SOS1: variants seen among roughly 807,000 people sequenced by gnomAD.
SOS1 encodes SOS Ras/Rac guanine nucleotide exchange factor 1.
Under a neutral mutation model 157.6 loss-of-function variants are expected in SOS1, and 25 were observed. That is an observed-to-expected ratio of 0.16 (90% CI 0.12 to 0.22). SOS1 has a LOEUF of 0.22. SOS1 is among the 10% of genes least tolerant of loss of function. The pLI, the probability that SOS1 is intolerant of heterozygous loss-of-function variation, is 1.00. For synonymous variants in SOS1, 528 were observed against 534.0 expected, an observed-to-expected ratio of 0.99 and a Z score of 0.16; for missense variants, 1,237 against 1,599.1, an observed-to-expected ratio of 0.77 and a Z score of 3.86.
At chr2:39,026,140 A>G (rs1027794131) in intron 8 of SOS1, among the ~76,000 whole-genome samples, 17 of 151,970 alleles carry the variant, frequency 1.1e-4, no homozygotes, top group Non-Finnish European at 1.5e-4. Context: ...GGGGATCACG[A>G]GGTCAGGAGT....
chr2:39,044,858 G>GCC (rs1161663359), intron 6 of SOS1, among the ~76,000 whole-genome samples: 3 of 29,842 alleles, frequency 1.0e-4, no homozygotes, highest in South Asian at 6.5e-4. Flanking sequence ...ACATGCGCGC[G>GCC]CGCGCGCACA....
chr2:39,015,247 C>T (rs1269632861), intron 10 of SOS1, among the ~76,000 whole-genome samples: 3 of 151,580 alleles, frequency 2.0e-5, no homozygotes, highest in Non-Finnish European at 2.9e-5. Context: ...TTCCTTACAT[C>T]AAGATGAGTT....
At chr2:39,056,533 A>G (rs763374258) in intron 4 of SOS1, among the ~76,000 whole-genome samples, 169 bp downstream of exon 4, 26 of 152,248 alleles carry the variant, frequency 1.7e-4, no homozygotes, top group Non-Finnish European at 3.1e-4. Context: ...TTAATATTAT[A>G]TATCTAATGT....
rs1272735436 is a variant in SOS1 at position 38,983,437 on chromosome 2, A to G, written c.*2387T>C. ...TAAAAATATCCTCCATCCACAATGCATGTAAAACTGTTGCACAGTGAAGTG... is the reference window on the plus strand; with the variant it reads ...TAAAAATATCCTCCATCCACAATGCGTGTAAAACTGTTGCACAGTGAAGTG... On this transcript the variant is annotated 3_prime_UTR_variant, in exon 23 of 23. Transcript: ENST00000402219. 6.6e-6 allele frequency: 1 copy of G among 152,210 alleles called. No individual in the cohort carries two copies. The highest frequency in any genetic ancestry group is 1.5e-5 in the Non-Finnish European group (1 of 68,024). 9.4% of individuals were successfully genotyped at this position (152,210 alleles called of 1,614,324 possible).
At chr2:39,110,954 G>A (rs962216162) in intron 1 of SOS1, among the ~76,000 whole-genome samples, 1 of 151,908 alleles carries the variant, frequency 6.6e-6, no homozygotes, top group African/African-American at 2.4e-5. Flanking sequence ...TACAAAAATG[G>A]GCCAGGCATG....
chr2:39,027,080 C>A (rs1669987802), intron 8 of SOS1, among the ~76,000 whole-genome samples: 1 of 152,122 alleles, frequency 6.6e-6, no homozygotes. Context: ...ATTTTTCGGT[C>A]TTAAATAACT....
intron 1 of SOS1, among the ~76,000 whole-genome samples, chr2:39,108,023 G>T (rs1673268780): frequency 6.6e-6 from 1 of 152,112 alleles, no homozygotes. Context: ...TACTGATGGT[G>T]CCTTAGTCTC....
chr2:39,115,788 T>G (rs1484039654), intron 1 of SOS1, among the ~76,000 whole-genome samples: 1 of 152,202 alleles, frequency 6.6e-6, no homozygotes, highest in Non-Finnish European at 1.5e-5. Flanking sequence ...GTATCACAAT[T>G]TGCTTATTCA....
chr2:39,124,594 C>T (rs920427133), upstream of SOS1, among the ~76,000 whole-genome samples: 46 of 152,388 alleles, frequency 3.0e-4, no homozygotes, highest in African/African-American at 1.1e-3. Context: ...CAGGACGCGG[C>T]CACCTGGTTC....
Position 39,031,744 on chromosome 2 carries a change from T to C in SOS1, c.1074+3468A>G, listed in dbSNP as rs186133816. On this transcript the variant is annotated intron_variant, in intron 8 of 22. Coordinates refer to ENST00000402219, the MANE Select transcript of SOS1 (RefSeq NM_005633.4). Reference sequence around the variant, plus strand: ...GTCTCAAAATAAAATAAAAATAAAATAAAATACTGGTCAATATATTTACTT... The same window carrying C: ...GTCTCAAAATAAAATAAAAATAAAACAAAATACTGGTCAATATATTTACTT... 3.3e-5 allele frequency among the ~76,000 whole-genome samples: 5 copies of C among 152,032 alleles called. No individual in the cohort carries two copies. The East Asian group carries it at 9.6e-4, about 29-fold the overall frequency.
In SOS1 at chr2:39,086,681, C is replaced by T. The variant is rs530879841; in HGVS notation, c.88-18928G>A. ...TAGTGTAAAACAGGAACACTAGAAA[C>T]GGCTTTTCCCCACATCTTTCTACTT... On this transcript the variant is annotated intron_variant, in intron 1 of 22. Coordinates refer to ENST00000402219, the MANE Select transcript of SOS1 (RefSeq NM_005633.4). 3.9e-5 allele frequency among the ~76,000 whole-genome samples: 6 copies of T among 152,282 alleles called. No individual in the cohort carries two copies. In the South Asian group the frequency reaches 6.2e-4, roughly 16 times the overall value.
chr2:39,001,723 A>C (rs1475755725), intron 17 of SOS1, among the ~76,000 whole-genome samples: 1 of 152,162 alleles, frequency 6.6e-6, no homozygotes, highest in Non-Finnish European at 1.5e-5. Flanking sequence ...AACTGTATGA[A>C]AGGCTGTCTA....
chr2:39,052,731 T>G (rs1474064789), intron 5 of SOS1, among the ~76,000 whole-genome samples: 2 of 152,230 alleles, frequency 1.3e-5, no homozygotes, highest in African/African-American at 4.8e-5. Context: ...TTGGGGCTAT[T>G]ACAAATAAAG....
chr2:39,003,066 C>CAAAACAAAAACAA (rs1553352633), intron 17 of SOS1, among the ~76,000 whole-genome samples: 7 of 72,306 alleles, frequency 9.7e-5, no homozygotes, highest in Admixed American at 3.2e-4. Flanking sequence ...GACCTTGTAT[C>CAAAACAAAAACAA]AAAAAAAAAA....
chr2:39,094,217 T>C (rs1327570275), intron 1 of SOS1, among the ~76,000 whole-genome samples: 1 of 152,134 alleles, frequency 6.6e-6, no homozygotes, highest in Non-Finnish European at 1.5e-5. Flanking sequence ...ATATTAAAAA[T>C]GTTACTGTTG....
At chr2:39,010,751 T>A in intron 14 of SOS1, 48 bp from the exon 15 acceptor site, 1 of 1,464,286 alleles carries the variant, frequency 6.8e-7, no homozygotes, top group South Asian at 1.1e-5. Flanking sequence ...TTCTCTAATA[T>A]AGACATTGTT....
chr2:38,999,489 G>A (rs1351546272), intron 17 of SOS1, among the ~76,000 whole-genome samples: 1 of 152,184 alleles, frequency 6.6e-6, no homozygotes, highest in Non-Finnish European at 1.5e-5. Flanking sequence ...GTTTTTAAAA[G>A]GATCCAGTTA....
intron 17 of SOS1, 134 bp downstream of exon 17, chr2:39,006,278 G>C: frequency 1.4e-6 from 1 of 697,784 alleles, no homozygotes; most frequent in East Asian, 2.5e-5. Flanking sequence ...ATTCTAAAGG[G>C]CTTCAGGTGC....
chr2:39,007,248 T>C (rs1669310224), intron 15 of SOS1, 55 bp from the exon 16 acceptor site: 4 of 1,110,014 alleles, frequency 3.6e-6, no homozygotes, highest in South Asian at 2.5e-5. Flanking sequence ...AATAAAGTTA[T>C]AGCTTAAAGA....
Sources: allele counts gnomAD v4.1 joint callset (sites outside exome capture counted in the v4.1 genomes callset), GRCh38; gene constraint gnomAD v4.1.1; transcripts MANE v1.5; gene names NCBI Gene and HGNC (gene_info 2026-07-23, HGNC 2026-07-21).